The following CALCR variants were observed in gnomAD, a reference collection of about 807,000 sequenced individuals.
CALCR encodes the protein calcitonin receptor.
Under a neutral mutation model 59.5 loss-of-function variants are expected in CALCR, and 47 were observed. That is an observed-to-expected ratio of 0.79 (90% CI 0.63 to 1.01). The LOEUF (loss-of-function observed/expected upper bound fraction) is 1.01, where lower values mean the gene tolerates loss of function less well. CALCR is among the 50% of genes least tolerant of loss of function. The pLI is 0.00. For missense variants in CALCR, 566 were observed against 597.1 expected (o/e 0.95, Z 0.54); for synonymous variants, 213 against 211.3 (o/e 1.01, Z -0.07).
At chr7:93,447,133 C>T (rs1278222205) in intron 8 of CALCR, among the ~76,000 whole-genome samples, 2 of 151,892 alleles carry the variant, frequency 1.3e-5, no homozygotes, top group Non-Finnish European at 2.9e-5. Context: ...GGAAGGGATC[C>T]TTCAGTTTTT....
intron 2 of CALCR, among the ~76,000 whole-genome samples, chr7:93,568,246 G>A (rs1473075790): frequency 1.3e-5 from 2 of 152,152 alleles, no homozygotes; most frequent in African/African-American, 4.8e-5. Flanking sequence ...GAAGCAGCAT[G>A]TAAGTTAAGC....
chr7:93,462,197 G>A (rs1473032208), intron 7 of CALCR: 1 of 656,116 alleles, frequency 1.5e-6, no homozygotes, highest in African/African-American at 1.9e-5. Context: ...TTTTCGGGAA[G>A]CGATTATAGT....
rs572503276 is a variant in CALCR at position 93,426,429 on chromosome 7, G to A, written c.1352C>T (p.Pro451Leu). Residue 451 changes from proline (P) to leucine (L), a missense_variant, in exon 14 of 14, where the codon CCA becomes CTA. Pro to Leu is a moderately conservative substitution (Grantham distance 98, BLOSUM62 -3). Coordinates refer to ENST00000426151, the MANE Select transcript of CALCR (RefSeq NM_001742.4). ...YICHQELRNE[P>L]ANNQGEESAE... is the part of the protein sequence containing the mutation. ...ACTCTCCTCGCCTTGGTTGTTGGCT[G>A]GTTCATTCCTCAGCTCCTGATGGCA... 3.7e-6 allele frequency: 6 copies of A among 1,613,858 alleles called. No individual in the cohort carries two copies. The African/African-American group carries it at 4.0e-5, about 11-fold the overall frequency.
intron 2 of CALCR, among the ~76,000 whole-genome samples, chr7:93,520,512 G>A (rs1160055855): frequency 6.6e-6 from 1 of 151,936 alleles, no homozygotes; most frequent in Non-Finnish European, 1.5e-5. Context: ...TCCTTATTGT[G>A]CCATTTTTAT....
At chr7:93,486,871 C>A in intron 3 of CALCR, 60 bp downstream of exon 3, 1 of 1,045,418 alleles carries the variant, frequency 9.6e-7, no homozygotes, top group South Asian at 1.4e-5. Context: ...ACACTCAAAA[C>A]ATTCCTCCTT....
At chr7:93,443,053 C>T (rs374554638) in intron 9 of CALCR, among the ~76,000 whole-genome samples, 9 of 151,944 alleles carry the variant, frequency 5.9e-5, no homozygotes, top group Non-Finnish European at 8.8e-5. Flanking sequence ...TAAGCTTTCC[C>T]GAGCCAATGC....
chr7:93,529,994 C>T (rs1788789862), intron 2 of CALCR, among the ~76,000 whole-genome samples: 2 of 151,962 alleles, frequency 1.3e-5, no homozygotes, highest in Admixed American at 6.6e-5. Context: ...CTTTATTGTA[C>T]TCCAGTTTCA....
chr7:93,513,179 G>A (rs892448975), intron 2 of CALCR, among the ~76,000 whole-genome samples: 4 of 152,018 alleles, frequency 2.6e-5, no homozygotes, highest in African/African-American at 9.7e-5. Context: ...TGGTCTTCAC[G>A]TAATACTGGT....
At chr7:93,528,834 C>T (rs1267719788) in intron 2 of CALCR, among the ~76,000 whole-genome samples, 1 of 152,054 alleles carries the variant, frequency 6.6e-6, no homozygotes, top group African/African-American at 2.4e-5. Flanking sequence ...TTCTGATGTA[C>T]CCCCATTCAA....
intron 2 of CALCR, among the ~76,000 whole-genome samples, chr7:93,514,693 G>A (rs1329727298): frequency 1.3e-5 from 2 of 151,786 alleles, no homozygotes; most frequent in African/African-American, 4.8e-5. Context: ...GTTCTGATTT[G>A]GGGTACTTGA....
intron 2 of CALCR, among the ~76,000 whole-genome samples, chr7:93,500,921 A>T (rs949553208): frequency 6.6e-6 from 1 of 152,042 alleles, no homozygotes; most frequent in African/African-American, 2.4e-5. Context: ...TAATCATTAC[A>T]AACTTTCCTT....
chr7:93,495,515 C>T (rs1390462412), intron 2 of CALCR, among the ~76,000 whole-genome samples: 1 of 151,184 alleles, frequency 6.6e-6, no homozygotes, highest in East Asian at 2.0e-4. Flanking sequence ...CTCGCGGAGC[C>T]AAAAAATTCT....
At chr7:93,509,888 A>G (rs1383923820) in intron 2 of CALCR, among the ~76,000 whole-genome samples, 2 of 152,200 alleles carry the variant, frequency 1.3e-5, no homozygotes, top group Admixed American at 6.5e-5. Context: ...GGATTAATAC[A>G]TAAAATACCA....
chr7:93,473,740 TAAG>T (rs1800607369), intron 5 of CALCR, among the ~76,000 whole-genome samples: 1 of 151,728 alleles, frequency 6.6e-6, no homozygotes, highest in Non-Finnish European at 1.5e-5. Flanking sequence ...AGGAAAAGGA[TAAG>T]AAGATTTTCT....
intron 3 of CALCR, among the ~76,000 whole-genome samples, chr7:93,483,229 A>G (rs1800840442): frequency 6.6e-6 from 1 of 151,760 alleles, no homozygotes; most frequent in Non-Finnish European, 1.5e-5. Context: ...TCATCCCCAG[A>G]TTATTTATAC....
chr7:93,541,051 T>C (rs1789124422), intron 2 of CALCR, among the ~76,000 whole-genome samples: 1 of 152,176 alleles, frequency 6.6e-6, no homozygotes, highest in Non-Finnish European at 1.5e-5. Flanking sequence ...TGTTTTGGTT[T>C]ATAATTTGTA....
chr7:93,544,829 C>G (rs67990950), intron 2 of CALCR, among the ~76,000 whole-genome samples: 42,549 of 152,054 alleles, frequency 0.28, 7,193 homozygotes, highest in South Asian at 0.38. Flanking sequence ...TCCAACTGCT[C>G]AACAGCAAAG....
intron 6 of CALCR, among the ~76,000 whole-genome samples, chr7:93,471,546 C>T (rs771070784): frequency 2.6e-5 from 4 of 151,778 alleles, no homozygotes; most frequent in Non-Finnish European, 5.9e-5. Flanking sequence ...CACTAATGTG[C>T]TTTTAGTTTT....
At chr7:93,460,717 C>A in intron 8 of CALCR, 104 bp downstream of exon 8, 1 of 744,786 alleles carries the variant, frequency 1.3e-6, no homozygotes. Context: ...AATATGATTA[C>A]ACATGTAAAC....
Sources: gnomAD v4.1 joint callset for allele counts (sites outside exome capture counted in the v4.1 genomes callset) on GRCh38, gnomAD v4.1.1 for gene constraint, MANE v1.5 for transcripts, NCBI Gene and HGNC (gene_info 2026-07-23, HGNC 2026-07-21) for gene names.